The following NIPAL2 variants were observed in gnomAD, a reference collection of about 807,000 sequenced individuals.
NIPAL2 encodes NIPA like domain containing 2.
A neutral mutation model predicts 48.9 loss-of-function variants in NIPAL2; 43 were observed. The observed-to-expected ratio is 0.88, with a 90% confidence interval of 0.69 to 1.13. The LOEUF (loss-of-function observed/expected upper bound fraction) is 1.13, where lower values mean the gene tolerates loss of function less well. Among genes scored for constraint, NIPAL2 ranks in the 50% most tolerant of loss-of-function variants. The pLI is 0.00. For missense variants in NIPAL2, 446 were observed against 461.4 expected (o/e 0.97, Z 0.31); for synonymous variants, 167 against 174.6 (o/e 0.96, Z 0.34).
In NIPAL2 at chr8:98,236,150, C is replaced by G; in HGVS notation, c.436+5G>C. 1.3e-6 allele frequency: 2 copies of G among 1,559,818 alleles called. No homozygotes were observed. Among genetic ancestry groups the G allele is most frequent in the Non-Finnish European group, 1.8e-6 (2 of 1,136,038 alleles). On this transcript the variant is annotated splice_donor_5th_base_variant and intron_variant, in intron 4 of 10. Coordinates refer to ENST00000430223, the MANE Select transcript of NIPAL2 (RefSeq NM_001321635.2). ...TACAATTACATGAATTAAATAATTA[C>G]TTACCGAGTAAGTCTGAGGCTCTCA...
chr8:98,256,024 T>G (rs1813871260), intron 1 of NIPAL2, among the ~76,000 whole-genome samples: 2 of 152,058 alleles, frequency 1.3e-5, no homozygotes, highest in African/African-American at 4.8e-5. Flanking sequence ...AAAACTTATT[T>G]TTTTTTTTTG....
At chr8:98,291,929 A>C in intron 1 of NIPAL2, among the ~76,000 whole-genome samples, 1 of 152,234 alleles carries the variant, frequency 6.6e-6, no homozygotes, top group East Asian at 1.9e-4. Context: ...GGCCACTGTT[A>C]AACATGTATT....
intron 8 of NIPAL2, among the ~76,000 whole-genome samples, chr8:98,198,591 T>G (rs571394485): frequency 6.6e-6 from 1 of 152,256 alleles, no homozygotes; most frequent in East Asian, 1.9e-4. Context: ...CCTTCATCAA[T>G]GATCTTAGCT....
chr8:98,241,179 TCTTTA>T (rs1229755745), intron 3 of NIPAL2, among the ~76,000 whole-genome samples: 1 of 152,226 alleles, frequency 6.6e-6, no homozygotes, highest in Non-Finnish European at 1.5e-5. Flanking sequence ...CAGCATCTTT[TCTTTA>T]CTTAGTGATG....
At chr8:98,195,587 G>A (rs1810503036) in intron 9 of NIPAL2, 1 of 177,806 alleles carries the variant, frequency 5.6e-6, no homozygotes, top group South Asian at 1.4e-4. Context: ...CGACCCTAGA[G>A]GATCATGATT....
chr8:98,273,657 T>A (rs1387570298), intron 1 of NIPAL2, among the ~76,000 whole-genome samples: 1 of 152,154 alleles, frequency 6.6e-6, no homozygotes, highest in African/African-American at 2.4e-5. Context: ...CTCTCAGAGA[T>A]ACGTAATTTT....
intron 1 of NIPAL2, among the ~76,000 whole-genome samples, chr8:98,259,262 A>G (rs1344906904): frequency 6.6e-6 from 1 of 150,636 alleles, no homozygotes; most frequent in Admixed American, 6.6e-5. Context: ...TTTTTAGTAG[A>G]GACGGGGTTT....
intron 1 of NIPAL2, among the ~76,000 whole-genome samples, chr8:98,273,487 T>C (rs1227820897): frequency 6.6e-6 from 1 of 152,128 alleles, no homozygotes; most frequent in African/African-American, 2.4e-5. Flanking sequence ...CGAAAGATTG[T>C]ACACTTTAAA....
intron 7 of NIPAL2, 77 bp downstream of exon 7, chr8:98,205,034 C>T: frequency 2.1e-6 from 3 of 1,456,122 alleles, no homozygotes; most frequent in South Asian, 1.2e-5. Flanking sequence ...TAATTATCAT[C>T]TGAAGCCAGT....
chr8:98,252,179 T>G, intron 3 of NIPAL2: 1 of 307,720 alleles, frequency 3.2e-6, no homozygotes, highest in Non-Finnish European at 5.9e-6. Context: ...CATTAATGAT[T>G]ACAAGCACAG....
rs183912334 is a variant in NIPAL2, at chr8:98,205,387, T to G, written c.656-141A>C. ...CAGTTGTGAGAGGTGTAGGAAGGGA[T>G]GTGACATTAGTAAGCAGTGGCCTTG... On this transcript the variant is annotated intron_variant, in intron 6 of 10. Coordinates refer to ENST00000430223, the MANE Select transcript of NIPAL2 (RefSeq NM_001321635.2). The G allele has an allele frequency of 4.8e-4, 368 of 760,570 alleles. 3 individuals carry two copies. The African/African-American group carries it at 5.9e-3, about 12-fold the overall frequency. 47.1% of individuals were successfully genotyped at this position (760,570 alleles called of 1,614,324 possible). A position where few individuals can be genotyped will look rare whatever the true frequency, so the allele number is the denominator to read the frequency against.
intron 5 of NIPAL2, among the ~76,000 whole-genome samples, chr8:98,220,964 CTTTTTTTTTTT>C (rs557824737): frequency 0.022 from 1,521 of 68,728 alleles, 23 homozygotes; most frequent in Middle Eastern, 0.091. Context: ...TCATTTCATT[CTTTTTTTTTTT>C]TTTTTTTTTT....
intron 1 of NIPAL2, among the ~76,000 whole-genome samples, chr8:98,266,843 T>G (rs1814790748): frequency 6.6e-6 from 1 of 152,192 alleles, no homozygotes; most frequent in Non-Finnish European, 1.5e-5. Context: ...TGAGGTCCGC[T>G]TATGAAACTA....
chr8:98,290,701 G>A (rs774926649), intron 1 of NIPAL2, among the ~76,000 whole-genome samples: 20 of 152,164 alleles, frequency 1.3e-4, no homozygotes, highest in Non-Finnish European at 2.1e-4. Flanking sequence ...CACATGGACC[G>A]CATAAATATG....
intron 3 of NIPAL2, among the ~76,000 whole-genome samples, chr8:98,250,083 A>C (rs891342938): frequency 2.6e-5 from 4 of 152,080 alleles, no homozygotes; most frequent in African/African-American, 9.7e-5. Flanking sequence ...AAACTATTGT[A>C]AGTGTTCTGG....
chr8:98,193,279 C>T lies in NIPAL2; in HGVS notation c.1040-189G>A, dbSNP rs544650549. ...CGCCATGTCTGTAGCTATGTGATAG[C>T]GAATTGTCTGTGTCAGAGCCACTAT... On this transcript the variant is annotated intron_variant, in intron 10 of 10. Coordinates refer to ENST00000430223, the MANE Select transcript of NIPAL2 (RefSeq NM_001321635.2). 1,154 of 1,291,060 alleles carry T rather than the reference C, an allele frequency of 8.9e-4. 1 individual carries two copies. The highest frequency in any genetic ancestry group is 1.2e-3 in the Non-Finnish European group (1,067 of 888,336). 80.0% of individuals were successfully genotyped at this position (1,291,060 alleles called of 1,614,324 possible).
rs184656319 is a variant in NIPAL2 at position 98,239,316 on chromosome 8, C to T, written c.377-3102G>A. Among the ~76,000 whole-genome samples, 602 of 152,332 alleles carry T rather than the reference C, an allele frequency of 4.0e-3. 5 individuals carry two copies. Among genetic ancestry groups the T allele is most frequent in the African/African-American group, 0.014 (571 of 41,578 alleles). ...GAGCTGGAACTGGCACTCATATTTC[C>T]TTGCTCTCAGTCCAGAGCTCTTTCT... On this transcript the variant is annotated intron_variant, in intron 3 of 10. Transcript: ENST00000430223.
chr8:98,216,609 G>A (rs1211411960), intron 5 of NIPAL2, among the ~76,000 whole-genome samples: 1 of 152,186 alleles, frequency 6.6e-6, no homozygotes, highest in Admixed American at 6.5e-5. Flanking sequence ...TCCGGTTTAG[G>A]GTACAGAATG....
intron 1 of NIPAL2, among the ~76,000 whole-genome samples, chr8:98,262,819 A>G (rs1176152129): frequency 1.3e-5 from 2 of 152,062 alleles, no homozygotes; most frequent in Admixed American, 6.6e-5. Context: ...AATCAACAGA[A>G]TATACATTTT....
Sources: allele counts gnomAD v4.1 joint callset (sites outside exome capture counted in the v4.1 genomes callset), GRCh38; gene constraint gnomAD v4.1.1; transcripts MANE v1.5; gene names NCBI Gene and HGNC (gene_info 2026-07-23, HGNC 2026-07-21).